The following RBKS variants were observed in gnomAD, a reference collection of about 807,000 sequenced individuals.
The protein encoded by RBKS is ribokinase.
In RBKS, 33 loss-of-function variants were observed where a neutral mutation model predicts 33.9. The ratio of observed to expected loss-of-function variants is 0.97; its 90% confidence interval spans 0.74 to 1.30. The LOEUF (loss-of-function observed/expected upper bound fraction) is 1.30. RBKS is among the 50% of genes most tolerant of loss of function. The pLI is 0.00. For synonymous variants in RBKS, 125 were observed against 143.0 expected, an observed-to-expected ratio of 0.87 and a Z score of 0.90; for missense variants, 361 against 392.6, an observed-to-expected ratio of 0.92 and a Z score of 0.68.
intron 7 of RBKS, among the ~76,000 whole-genome samples, chr2:27,791,939 C>T (rs1022876817): frequency 6.6e-6 from 1 of 151,924 alleles, no homozygotes. Context: ...GAATCATGTA[C>T]TGAAAATGGG....
At chr2:27,850,197 A>T (rs1489300638) in intron 2 of RBKS, among the ~76,000 whole-genome samples, 1 of 152,180 alleles carries the variant, frequency 6.6e-6, no homozygotes, top group African/African-American at 2.4e-5. Flanking sequence ...TTAGGTTCTC[A>T]GCCTAAGAGA....
chr2:27,796,019 C>G (rs1012017779), intron 7 of RBKS, among the ~76,000 whole-genome samples: 2 of 152,200 alleles, frequency 1.3e-5, no homozygotes, highest in African/African-American at 4.8e-5. Context: ...TTCCCATGAT[C>G]TCTTCTAAGG....
intron 3 of RBKS, among the ~76,000 whole-genome samples, chr2:27,847,607 T>G (rs1663646096): frequency 6.6e-6 from 1 of 152,222 alleles, no homozygotes; most frequent in South Asian, 2.1e-4. Flanking sequence ...TCAGAAGATC[T>G]TCATTCTAGT....
chr2:27,834,669 A>T (rs547176370), intron 5 of RBKS, among the ~76,000 whole-genome samples: 1 of 152,346 alleles, frequency 6.6e-6, no homozygotes, highest in South Asian at 2.1e-4. Context: ...GGTTTTCAGA[A>T]CAATATACTG....
chr2:27,858,895 A>G (rs950807057), intron 1 of RBKS, among the ~76,000 whole-genome samples: 6 of 152,198 alleles, frequency 3.9e-5, no homozygotes, highest in Admixed American at 2.6e-4. Context: ...CTTTATTCAC[A>G]GTGGGATTTA....
chr2:27,868,483 C>T (rs1339026151), intron 1 of RBKS, among the ~76,000 whole-genome samples: 1 of 152,202 alleles, frequency 6.6e-6, no homozygotes, highest in East Asian at 1.9e-4. Flanking sequence ...CAATATGCTA[C>T]TTTCTTTGAC....
intron 2 of RBKS, among the ~76,000 whole-genome samples, chr2:27,857,106 A>G (rs1663872586): frequency 1.3e-5 from 2 of 152,246 alleles, no homozygotes; most frequent in Admixed American, 1.3e-4. Context: ...TGGAGTGATA[A>G]TTGTATAGTT....
At chr2:27,832,805 T>G in intron 5 of RBKS, 28 bp from the exon 6 acceptor site, 1 of 1,415,454 alleles carries the variant, frequency 7.1e-7, no homozygotes, top group Non-Finnish European at 1.0e-6. Context: ...AGGGGGTTAT[T>G]ATTAGTTTTC....
intron 1 of RBKS, among the ~76,000 whole-genome samples, chr2:27,866,403 A>G (rs1664099361): frequency 6.6e-6 from 1 of 152,148 alleles, no homozygotes. Flanking sequence ...TGTAGTTTAT[A>G]TCATGCTCAT....
intron 1 of RBKS, among the ~76,000 whole-genome samples, chr2:27,879,424 T>C (rs1664377893): frequency 6.6e-6 from 1 of 152,132 alleles, no homozygotes; most frequent in Admixed American, 6.5e-5. Flanking sequence ...CATGAATGGA[T>C]TAATGCCATT....
At chr2:27,853,774 A>T (rs1663797125) in intron 2 of RBKS, among the ~76,000 whole-genome samples, 1 of 152,212 alleles carries the variant, frequency 6.6e-6, no homozygotes, top group Non-Finnish European at 1.5e-5. Context: ...TCTCATTTCT[A>T]CCATTTCTTC....
chr2:27,845,994 C>A (rs540314681), intron 4 of RBKS, among the ~76,000 whole-genome samples: 1 of 151,594 alleles, frequency 6.6e-6, no homozygotes, highest in East Asian at 1.9e-4. Flanking sequence ...CAGAGTCTTG[C>A]TCCGTCGTCG....
intron 2 of RBKS, among the ~76,000 whole-genome samples, chr2:27,849,125 G>C (rs991718546): frequency 2.0e-5 from 3 of 152,160 alleles, no homozygotes; most frequent in Non-Finnish European, 4.4e-5. Flanking sequence ...TAGCCTAATG[G>C]AACCCTAAGT....
At chr2:27,887,067 G>A (rs778869040) in intron 1 of RBKS, among the ~76,000 whole-genome samples, 1 of 152,150 alleles carries the variant, frequency 6.6e-6, no homozygotes, top group Admixed American at 6.5e-5. Flanking sequence ...GGGAAATTAA[G>A]GTTCCTAATA....
intron 1 of RBKS, among the ~76,000 whole-genome samples, chr2:27,886,310 A>G (rs1469784668): frequency 1.3e-5 from 2 of 152,224 alleles, no homozygotes; most frequent in Admixed American, 6.5e-5. Flanking sequence ...GATGCCATCT[A>G]AAAGGGCTTA....
chr2:27,788,651 G>A (rs372061392), intron 7 of RBKS, among the ~76,000 whole-genome samples: 3 of 152,190 alleles, frequency 2.0e-5, no homozygotes, highest in African/African-American at 7.2e-5. Flanking sequence ...AGCTTGCAGT[G>A]AGCCAAGATC....
intron 1 of RBKS, among the ~76,000 whole-genome samples, chr2:27,874,532 C>A (rs1664276389): frequency 6.6e-6 from 1 of 152,186 alleles, no homozygotes; most frequent in Admixed American, 6.5e-5. Flanking sequence ...CTCTGTATTA[C>A]CACAGCAGAG....
chr2:27,842,922 G>T, intron 5 of RBKS, 145 bp downstream of exon 5: 1 of 530,938 alleles, frequency 1.9e-6, no homozygotes, highest in Non-Finnish European at 3.0e-6. Context: ...ACATTATCAA[G>T]AACCACAAGA....
chr2:27,863,766 CTAAT>C (rs957440038), intron 1 of RBKS, among the ~76,000 whole-genome samples: 4 of 152,204 alleles, frequency 2.6e-5, no homozygotes, highest in Non-Finnish European at 5.9e-5. Flanking sequence ...ATTCATTACA[CTAAT>C]TTATTATTCT....
Sources: gnomAD v4.1 joint callset for allele counts (sites outside exome capture counted in the v4.1 genomes callset) on GRCh38, gnomAD v4.1.1 for gene constraint, MANE v1.5 for transcripts, NCBI Gene and HGNC (gene_info 2026-07-23, HGNC 2026-07-21) for gene names.